ZFHX3: variants seen among roughly 807,000 people sequenced by gnomAD.
ZFHX3 encodes zinc finger homeobox protein 3.
ZFHX3 carries 42 observed loss-of-function variants against 279.1 expected under a neutral mutation model. The ratio of observed to expected loss-of-function variants is 0.15; its 90% CI spans 0.12 to 0.19. The LOEUF (loss-of-function observed/expected upper bound fraction) is 0.19, where lower values mean the gene tolerates loss of function less well. Among genes scored for constraint, ZFHX3 ranks in the 10% least tolerant of loss-of-function variants. The probability of loss-of-function intolerance (pLI) is 1.00; values close to 1 mark genes in which losing one functional copy is unlikely to be tolerated. For synonymous variants in ZFHX3, 2,293 were observed against 1,957.8 expected (o/e 1.17, Z -4.52); for missense variants, 4,981 against 4,754.0 (o/e 1.05, Z -1.40).
At chr16:72,993,713 T>C (rs1206172437) in intron 1 of ZFHX3, among the ~76,000 whole-genome samples, 6 of 152,192 alleles carry the variant, frequency 3.9e-5, no homozygotes. Context: ...ACTGAACTGC[T>C]GTTTGCTCAC....
At chr16:72,945,914 TC>T (rs372806144) in intron 3 of ZFHX3, among the ~76,000 whole-genome samples, 37 of 151,650 alleles carry the variant, frequency 2.4e-4, no homozygotes, top group African/African-American at 7.0e-4. Flanking sequence ...GACCCCCACT[TC>T]CCCCCAGCAC....
chr16:73,625,508 T>C (rs909604111), intron 2 of ZFHX3, among the ~76,000 whole-genome samples: 3 of 152,262 alleles, frequency 2.0e-5, no homozygotes, highest in African/African-American at 7.2e-5. Context: ...ATATAATGAA[T>C]GAACTTCTTA....
chr16:73,417,290 A>C (rs1307914048), intron 3 of ZFHX3, among the ~76,000 whole-genome samples: 1 of 152,060 alleles, frequency 6.6e-6, no homozygotes, highest in Non-Finnish European at 1.5e-5. Context: ...TGTGGATAGG[A>C]TCCAAGAAAC....
intron 8 of ZFHX3, among the ~76,000 whole-genome samples, chr16:73,084,078 G>A (rs1177095884): frequency 6.6e-6 from 1 of 152,192 alleles, no homozygotes; most frequent in East Asian, 1.9e-4. Context: ...ATTTGGCAAT[G>A]CACAAGACAC....
chr16:73,079,227 T>C (rs1965918914), intron 8 of ZFHX3, among the ~76,000 whole-genome samples: 1 of 151,858 alleles, frequency 6.6e-6, no homozygotes, highest in South Asian at 2.1e-4. Flanking sequence ...CTTTCTCTTA[T>C]TAAATTTATT....
At chr16:73,777,508 C>CA (rs34744186) in intron 1 of ZFHX3, among the ~76,000 whole-genome samples, 25,014 of 62,308 alleles carry the variant, frequency 0.4, 9,038 homozygotes, top group East Asian at 0.58. Context: ...GACTCTGTCT[C>CA]AAAAAAAAAA....
chr16:72,879,653 T>G (rs982816666), intron 4 of ZFHX3, among the ~76,000 whole-genome samples: 1 of 152,108 alleles, frequency 6.6e-6, no homozygotes, highest in Non-Finnish European at 1.5e-5. Context: ...CTCCAATACC[T>G]GAGCTCTAGT....
At chr16:73,415,140 A>T (rs1480934333) in intron 3 of ZFHX3, among the ~76,000 whole-genome samples, 11 of 152,268 alleles carry the variant, frequency 7.2e-5, no homozygotes, top group African/African-American at 2.6e-4. Context: ...TTATTTTTTT[A>T]AAATAATGAC....
intron 3 of ZFHX3, among the ~76,000 whole-genome samples, chr16:72,940,986 G>A (rs1960384825): frequency 6.6e-6 from 1 of 152,214 alleles, no homozygotes; most frequent in African/African-American, 2.4e-5. Flanking sequence ...CACGCACTGT[G>A]AGCAATGCTC....
At chr16:73,046,286 G>C (rs1442703169) in intron 1 of ZFHX3, among the ~76,000 whole-genome samples, 1 of 152,188 alleles carries the variant, frequency 6.6e-6, no homozygotes, top group African/African-American at 2.4e-5. Context: ...TGCCTTCATT[G>C]TTTTTCATGT....
At chr16:73,861,491 C>G (rs1961880246) in intron 1 of ZFHX3, among the ~76,000 whole-genome samples, 1 of 152,114 alleles carries the variant, frequency 6.6e-6, no homozygotes, top group Non-Finnish European at 1.5e-5. Context: ...ATTGAGGAAG[C>G]TCTTCATACC....
intron 3 of ZFHX3, among the ~76,000 whole-genome samples, chr16:73,418,177 C>G (rs1468239612): frequency 6.6e-6 from 1 of 152,160 alleles, no homozygotes; most frequent in Non-Finnish European, 1.5e-5. Context: ...AGAACTTGTA[C>G]GTTATTATAG....
chr16:73,554,094 T>A (rs928219274), intron 2 of ZFHX3, among the ~76,000 whole-genome samples: 1 of 152,200 alleles, frequency 6.6e-6, no homozygotes, highest in East Asian at 1.9e-4. Context: ...CGTCAATGTG[T>A]TTAGTTCTCT....
At chr16:73,387,766 A>C (rs2143387451) in intron 3 of ZFHX3, among the ~76,000 whole-genome samples, 1 of 152,174 alleles carries the variant, frequency 6.6e-6, no homozygotes, top group Non-Finnish European at 1.5e-5. Context: ...ATATATCTTT[A>C]TACACAAGTC....
chr16:73,501,904 C>T (rs1597360347), intron 2 of ZFHX3, among the ~76,000 whole-genome samples: 1 of 152,182 alleles, frequency 6.6e-6, no homozygotes, highest in East Asian at 1.9e-4. Flanking sequence ...CCTTACCTCT[C>T]TGGGGAAGGA....
chr16:73,123,872 G>C (rs765752878), intron 7 of ZFHX3, among the ~76,000 whole-genome samples: 1 of 152,132 alleles, frequency 6.6e-6, no homozygotes, highest in Non-Finnish European at 1.5e-5. Context: ...CCAGTAAGAA[G>C]ATGCCATTTA....
At chr16:73,535,124 C>T (rs539596123) in intron 2 of ZFHX3, among the ~76,000 whole-genome samples, 6 of 152,204 alleles carry the variant, frequency 3.9e-5, no homozygotes, top group South Asian at 2.1e-4. Context: ...TTCAACTTTC[C>T]GACACTATGT....
At chr16:73,017,169 G>A (rs893715433) in intron 1 of ZFHX3, among the ~76,000 whole-genome samples, 4 of 151,514 alleles carry the variant, frequency 2.6e-5, no homozygotes, top group African/African-American at 9.7e-5. Flanking sequence ...GGAGGTTGAG[G>A]CTGCATGGAG....
chr16:73,568,396 C>G (rs1397399622), intron 2 of ZFHX3, among the ~76,000 whole-genome samples: 1 of 152,146 alleles, frequency 6.6e-6, no homozygotes, highest in Admixed American at 6.5e-5. Context: ...CTAGGGGAAA[C>G]CTGCCTTGTC....
Sources: gnomAD v4.1 joint callset for allele counts (sites outside exome capture counted in the v4.1 genomes callset) on GRCh38, gnomAD v4.1.1 for gene constraint, MANE v1.5 for transcripts, NCBI Gene and HGNC (gene_info 2026-07-23, HGNC 2026-07-21) for gene names.